RBM33: variants seen among roughly 807,000 people sequenced by gnomAD.
RBM33 encodes the protein RNA binding motif protein 33.
RBM33 carries 28 observed loss-of-function variants against 132.6 expected under a neutral mutation model. The ratio of observed to expected loss-of-function variants is 0.21; its 90% CI spans 0.16 to 0.29. RBM33 has a LOEUF of 0.29. RBM33 is among the 10% of genes least tolerant of loss of function. The pLI is 1.00. For synonymous variants in RBM33, 634 were observed against 593.0 expected (o/e 1.07, Z -1.01); for missense variants, 1,291 against 1,518.5 (o/e 0.85, Z 2.49).
At chr7:155,773,293 C>T (rs116502221) in intron 16 of RBM33, among the ~76,000 whole-genome samples, 10,405 of 152,102 alleles carry the variant, frequency 0.068, 571 homozygotes, top group African/African-American at 0.15. Flanking sequence ...GCACCAGGTG[C>T]GGTGGCTCAT....
chr7:155,745,850 G>C lies in RBM33; in HGVS notation c.2979+248G>C, dbSNP rs1023485792. The C allele has an allele frequency of 3.9e-6, 2 of 506,368 alleles. No homozygotes were observed. Among genetic ancestry groups the C allele is most frequent in the African/African-American group, 3.8e-5 (2 of 52,126 alleles). The allele number at this position is 506,368 out of a possible 1,614,324, so 31.4% of individuals were successfully genotyped here. A position where few individuals can be genotyped will look rare whatever the true frequency, so the allele number is the denominator to read the frequency against. ...TAGAATGTACTTCCATACACAGACGGTACAGCCTGCTGCACACCTAGGCTA... is the reference window on the plus strand; with the variant it reads ...TAGAATGTACTTCCATACACAGACGCTACAGCCTGCTGCACACCTAGGCTA... On this transcript the variant is annotated intron_variant, in intron 14 of 17. Coordinates refer to ENST00000401878, the MANE Select transcript of RBM33 (RefSeq NM_053043.3). The surrounding 1 kb of genome is among the most constrained non-coding windows in gnomAD (Gnocchi z 4.1).
In RBM33 at chr7:155,775,762, G is replaced by T. The variant is rs995657078; in HGVS notation, c.*721G>T. 1.3e-5 allele frequency: 2 copies of T among 153,876 alleles called. No homozygotes were observed. Among genetic ancestry groups the T allele is most frequent in the African/African-American group, 4.8e-5 (2 of 41,456 alleles). 9.5% of individuals were successfully genotyped at this position (153,876 alleles called of 1,614,324 possible). A position where few individuals can be genotyped will look rare whatever the true frequency, so the allele number is the denominator to read the frequency against. ...TGGACAGGCACACGGCATGGCCCTC[G>T]GCTAGAGCAGGGTCTGTGATGGCCT... is the stretch of plus-strand genomic sequence containing the variant. On this transcript the variant is annotated 3_prime_UTR_variant, in exon 18 of 18. Transcript: ENST00000401878.
intron 1 of RBM33, among the ~76,000 whole-genome samples, chr7:155,663,395 T>G (rs1202219744): frequency 2.0e-5 from 3 of 151,950 alleles, no homozygotes; most frequent in African/African-American, 7.3e-5. Flanking sequence ...CAGGGAGCTT[T>G]TACTCATGGT....
At chr7:155,660,160 G>A (rs1210174025) in intron 1 of RBM33, among the ~76,000 whole-genome samples, 1 of 152,142 alleles carries the variant, frequency 6.6e-6, no homozygotes, top group African/African-American at 2.4e-5. Flanking sequence ...TACACCCTCT[G>A]CCTCCTGGGC....
At chr7:155,735,713 CTCT>C (rs761340118) in intron 9 of RBM33, among the ~76,000 whole-genome samples, 1 of 137,876 alleles carries the variant, frequency 7.3e-6, no homozygotes, top group Non-Finnish European at 1.5e-5. Context: ...CTCTCTCTCT[CTCT>C]CTGTCTCTCT....
chr7:155,749,228 T>C (rs2117043383), intron 14 of RBM33, among the ~76,000 whole-genome samples: 1 of 152,324 alleles, frequency 6.6e-6, no homozygotes, highest in East Asian at 1.9e-4. Flanking sequence ...AACTTCCCAT[T>C]TTCTTTGTAG....
chr7:155,663,680 A>G (rs780858367), intron 1 of RBM33, among the ~76,000 whole-genome samples: 3 of 152,144 alleles, frequency 2.0e-5, no homozygotes, highest in Non-Finnish European at 2.9e-5. Flanking sequence ...AAGAGTATAT[A>G]TATTACTTTG....
Position 155,673,940 on chromosome 7 carries a change from G to GTTGTTGTTTGTTTTTGTTTT in RBM33, c.171+1027_171+1028insGTTGTTTGTTTTTGTTTTTT. On this transcript the variant is annotated intron_variant, in intron 3 of 17. Coordinates refer to ENST00000401878, the MANE Select transcript of RBM33 (RefSeq NM_053043.3). Reference sequence around the variant, plus strand: ...TCATTATCAAGATAGTTTAGGCTTAGTTTTTTTTTTTTTTTTTTTTTTTTT... The same window carrying GTTGTTGTTTGTTTTTGTTTT: ...TCATTATCAAGATAGTTTAGGCTTAGTTGTTGTTTGTTTTTGTTTTTTTTTTTTTTTTTTTTTTTTTTTTT... Among the ~76,000 whole-genome samples, 19 of 54,216 alleles carry GTTGTTGTTTGTTTTTGTTTT rather than the reference G, an allele frequency of 3.5e-4. 1 individual carries two copies. The highest frequency in any genetic ancestry group is 5.8e-4 in the Non-Finnish European group (18 of 30,840). The allele number at this position is 54,216 out of a possible 152,430, so 35.6% of individuals were successfully genotyped here.
At chr7:155,717,248 G>A (rs1240892168) in intron 8 of RBM33, among the ~76,000 whole-genome samples, 2 of 152,114 alleles carry the variant, frequency 1.3e-5, no homozygotes, top group Non-Finnish European at 2.9e-5. Context: ...TCGCAGTTCC[G>A]GAGGCTGGAA....
chr7:155,772,492 T>C (rs1802464053), intron 16 of RBM33, among the ~76,000 whole-genome samples: 1 of 152,202 alleles, frequency 6.6e-6, no homozygotes, highest in Non-Finnish European at 1.5e-5. Flanking sequence ...AACAGGTCTC[T>C]GTCAAGAAAT....
intron 5 of RBM33, among the ~76,000 whole-genome samples, chr7:155,682,979 T>A (rs938491122): frequency 6.6e-6 from 1 of 151,114 alleles, no homozygotes; most frequent in African/African-American, 2.4e-5. Context: ...TTAAAATGAA[T>A]TTTTTTTTCA....
intron 14 of RBM33, among the ~76,000 whole-genome samples, chr7:155,760,667 T>C (rs1269273758): frequency 6.6e-6 from 1 of 152,200 alleles, no homozygotes; most frequent in Non-Finnish European, 1.5e-5. Flanking sequence ...GGGTATGTGG[T>C]ATATATTTTT....
At chr7:155,740,167 G>T in intron 12 of RBM33, 141 bp downstream of exon 12, 2 of 1,137,474 alleles carry the variant, frequency 1.8e-6, no homozygotes, top group South Asian at 5.5e-5. Flanking sequence ...GTTCTGAAGT[G>T]AATCCATGTT....
chr7:155,666,646 G>C (rs1384809240), intron 2 of RBM33, among the ~76,000 whole-genome samples: 1 of 152,128 alleles, frequency 6.6e-6, no homozygotes, highest in Non-Finnish European at 1.5e-5. Flanking sequence ...AATATTAAGT[G>C]GGTCTTTCAA....
intron 2 of RBM33, among the ~76,000 whole-genome samples, chr7:155,671,298 A>G (rs546498223): frequency 1.3e-3 from 193 of 152,292 alleles, no homozygotes; most frequent in African/African-American, 4.4e-3. Context: ...ATCCTATAGG[A>G]GTTTGTGAAA....
intron 1 of RBM33, among the ~76,000 whole-genome samples, chr7:155,661,146 A>ATATATATTTT (rs1421586760): frequency 0.02 from 1,616 of 80,946 alleles, 59 homozygotes; most frequent in South Asian, 0.041. Context: ...ATATATATAT[A>ATATATATTTT]TTTTTTTTTT....
Position 155,781,267 on chromosome 7 carries a change from G to A in RBM33, c.*6226G>A, listed in dbSNP as rs1271104763. On this transcript the variant is annotated 3_prime_UTR_variant, in exon 18 of 18. Transcript: ENST00000401878. ...CTCCCAGACACACCACACCTACCTTGGGGGAATGCCGTTGCCTGTTCCACC... is the reference window on the plus strand; with the variant it reads ...CTCCCAGACACACCACACCTACCTTAGGGGAATGCCGTTGCCTGTTCCACC... 2 of 152,408 alleles carry A rather than the reference G, an allele frequency of 1.3e-5. No individual in the cohort carries two copies. Among genetic ancestry groups the A allele is most frequent in the Admixed American group, 6.5e-5 (1 of 15,306 alleles). The allele number at this position is 152,408 out of a possible 1,614,324, so 9.4% of individuals were successfully genotyped here. A position where few individuals can be genotyped will look rare whatever the true frequency, so the allele number is the denominator to read the frequency against.
At position 155,672,411 on chromosome 7, in the gene RBM33, A is replaced by G. The variant is rs1798967016; in HGVS notation, c.123-456A>G. Among the ~76,000 whole-genome samples, 4 of 152,340 alleles carry G rather than the reference A, an allele frequency of 2.6e-5. No individual in the cohort carries two copies. In the South Asian group the frequency reaches 8.3e-4, roughly 32 times the overall value. ...AAATGTTCTCTGTGCATTTGAAAAT[A>G]CATTTTTATTATTAATAAAGAAAGA... On this transcript the variant is annotated intron_variant, in intron 2 of 17. Transcript: ENST00000401878.
At chr7:155,722,621 GT>G (rs935352560) in intron 9 of RBM33, among the ~76,000 whole-genome samples, 166 of 152,050 alleles carry the variant, frequency 1.1e-3, no homozygotes, top group African/African-American at 3.7e-3. Flanking sequence ...TCCTCAGAGA[GT>G]TTTTTGTTTT....
Sources: allele counts gnomAD v4.1 joint callset (sites outside exome capture counted in the v4.1 genomes callset), GRCh38; gene constraint gnomAD v4.1.1; non-coding constraint Gnocchi (gnomAD v3.1); transcripts MANE v1.5; gene names NCBI Gene and HGNC (gene_info 2026-07-23, HGNC 2026-07-21).